Variants in SRRM4 observed in about 807,000 individuals in gnomAD.
SRRM4 encodes serine/arginine repetitive matrix protein 4.
In SRRM4, 33 loss-of-function variants were observed where a neutral mutation model predicts 68.9. That is an observed-to-expected ratio of 0.48 (90% CI 0.36 to 0.64). The LOEUF (loss-of-function observed/expected upper bound fraction) is 0.64. Among genes scored for constraint, SRRM4 ranks in the 30% least tolerant of loss-of-function variants. The probability of loss-of-function intolerance (pLI) is 0.00; values close to 1 mark genes in which losing one functional copy is unlikely to be tolerated. For synonymous variants in SRRM4, 318 were observed against 318.8 expected (o/e 1.00, Z 0.03); for missense variants, 817 against 827.1 (o/e 0.99, Z 0.15).
At chr12:118,992,511 T>G (rs955227582) in intron 1 of SRRM4, among the ~76,000 whole-genome samples, 1 of 152,224 alleles carries the variant, frequency 6.6e-6, no homozygotes, top group Non-Finnish European at 1.5e-5. Context: ...GCCAGTGTTT[T>G]GCCCCAGCCT....
rs559239640 is a variant in SRRM4, at chr12:119,073,310, C to A, written c.132-28926C>A. 5.9e-4 allele frequency among the ~76,000 whole-genome samples: 25 copies of A among 42,682 alleles called. 1 individual carries two copies. The highest frequency in any genetic ancestry group is 2.2e-3 in the African/African-American group (24 of 11,040). The allele number at this position is 42,682 out of a possible 152,430, so 28.0% of individuals were successfully genotyped here. ...GAGTCTCTATTTCTCTCTCTCTCTC[C>A]TCTTTTTTTTTTTTGTTTGTTTGTT... On this transcript the variant is annotated intron_variant, in intron 1 of 12. Coordinates refer to ENST00000267260, the MANE Select transcript of SRRM4 (RefSeq NM_194286.4).
At chr12:119,082,202 G>T (rs1042775259) in intron 1 of SRRM4, among the ~76,000 whole-genome samples, 7 of 152,090 alleles carry the variant, frequency 4.6e-5, no homozygotes, top group South Asian at 2.1e-4. Context: ...GGGCTCAGCC[G>T]CTCCTTTGAA....
At chr12:119,155,196 A>G (rs1323069916) in intron 12 of SRRM4, among the ~76,000 whole-genome samples, 1 of 152,262 alleles carries the variant, frequency 6.6e-6, no homozygotes, top group Admixed American at 6.5e-5. Context: ...GTAAGGCCTC[A>G]GAAGAGAAAA....
chr12:118,999,824 C>G (rs184003081), intron 1 of SRRM4, among the ~76,000 whole-genome samples: 4 of 152,296 alleles, frequency 2.6e-5, no homozygotes. Flanking sequence ...TGTCAATCAA[C>G]TAATTAACTT....
intron 1 of SRRM4, among the ~76,000 whole-genome samples, chr12:119,083,751 C>G (rs1953963491): frequency 6.6e-6 from 1 of 152,186 alleles, no homozygotes; most frequent in Non-Finnish European, 1.5e-5. Flanking sequence ...CTATTGTCCT[C>G]AGAGCTGAGC....
intron 2 of SRRM4, among the ~76,000 whole-genome samples, chr12:119,110,788 C>G (rs7133625): frequency 1.3e-3 from 199 of 152,296 alleles, no homozygotes; most frequent in African/African-American, 4.4e-3. Context: ...TGAGGCGATG[C>G]CCCGCCCTGC....
intron 8 of SRRM4, among the ~76,000 whole-genome samples, chr12:119,140,036 A>G (rs901253595): frequency 6.6e-6 from 1 of 152,222 alleles, no homozygotes; most frequent in Non-Finnish European, 1.5e-5. Flanking sequence ...TGTTAGAAAC[A>G]TTCCAATTAC....
In SRRM4 at chr12:119,030,716, G is replaced by C. The variant is rs1480274858; in HGVS notation, c.131+48703G>C. 4.6e-5 allele frequency among the ~76,000 whole-genome samples: 7 copies of C among 151,968 alleles called. No individual in the cohort carries two copies. The East Asian group carries it at 1.3e-3, about 29-fold the overall frequency. On this transcript the variant is annotated intron_variant, in intron 1 of 12. Coordinates refer to ENST00000267260, the MANE Select transcript of SRRM4 (RefSeq NM_194286.4). Reference sequence around the variant, plus strand: ...TTAACAATATATCATGAAATTTTATGATGTTCCCCCATATTGTATTTTTCA... The same window carrying C: ...TTAACAATATATCATGAAATTTTATCATGTTCCCCCATATTGTATTTTTCA...
At chr12:119,014,810 A>G (rs1304532581) in intron 1 of SRRM4, among the ~76,000 whole-genome samples, 1 of 152,114 alleles carries the variant, frequency 6.6e-6, no homozygotes, top group Non-Finnish European at 1.5e-5. Context: ...AACCATGGGA[A>G]TATCTTATGA....
chr12:119,137,745 A>T (rs1020986034), intron 8 of SRRM4, among the ~76,000 whole-genome samples: 24 of 152,302 alleles, frequency 1.6e-4, no homozygotes, highest in Non-Finnish European at 2.8e-4. Flanking sequence ...TAAAATTTTT[A>T]AAATTAAATT....
intron 1 of SRRM4, among the ~76,000 whole-genome samples, chr12:119,072,492 A>C (rs1283527375): frequency 1.3e-5 from 2 of 152,068 alleles, no homozygotes; most frequent in African/African-American, 2.4e-5. Context: ...TGGGGAAGGG[A>C]GGGTGAAGCT....
At chr12:119,052,462 A>C (rs1379285495) in intron 1 of SRRM4, among the ~76,000 whole-genome samples, 1 of 152,174 alleles carries the variant, frequency 6.6e-6, no homozygotes, top group African/African-American at 2.4e-5. Context: ...CCAACCAAGT[A>C]CTGGCATAGA....
Position 119,052,622 on chromosome 12 carries a change from G to A in SRRM4, c.132-49614G>A, listed in dbSNP as rs186766148. On this transcript the variant is annotated intron_variant, in intron 1 of 12. Transcript: ENST00000267260. ...CGGCTCACCGCAAGCTCCGCCTCCC[G>A]GGTTCACACCATTCTCCTGCCTCAG... Among the ~76,000 whole-genome samples, 696 of 152,158 alleles carry A rather than the reference G, an allele frequency of 4.6e-3. 5 individuals carry two copies. Among genetic ancestry groups the A allele is most frequent in the African/African-American group, 0.016 (667 of 41,508 alleles).
At chr12:119,141,376 A>G (rs1422953815) in intron 8 of SRRM4, among the ~76,000 whole-genome samples, 1 of 152,254 alleles carries the variant, frequency 6.6e-6, no homozygotes, top group Non-Finnish European at 1.5e-5. Context: ...ATATATTCCA[A>G]AAATATGTAC....
chr12:119,103,153 G>A (rs1439792163), intron 2 of SRRM4, among the ~76,000 whole-genome samples: 1 of 152,084 alleles, frequency 6.6e-6, no homozygotes, highest in Non-Finnish European at 1.5e-5. Flanking sequence ...CCCATCTTTG[G>A]CCTCTGGGAA....
intron 8 of SRRM4, 45 bp downstream of exon 8, chr12:119,130,879 C>T: frequency 6.3e-7 from 1 of 1,577,366 alleles, no homozygotes; most frequent in Non-Finnish European, 8.6e-7. Flanking sequence ...GGCCACGACA[C>T]TTGGGGAATG....
At chr12:119,020,984 G>T (rs916840427) in intron 1 of SRRM4, among the ~76,000 whole-genome samples, 3 of 152,172 alleles carry the variant, frequency 2.0e-5, no homozygotes, top group Non-Finnish European at 2.9e-5. Context: ...GAGACGGTGG[G>T]GGGAGGCGCT....
chr12:119,002,152 C>T (rs901289687), intron 1 of SRRM4, among the ~76,000 whole-genome samples: 7 of 151,822 alleles, frequency 4.6e-5, no homozygotes, highest in South Asian at 2.1e-4. Flanking sequence ...TGACGATAGA[C>T]GAAGTGCTTA....
chr12:118,986,992 C>T (rs1372084259), intron 1 of SRRM4, among the ~76,000 whole-genome samples: 1 of 152,080 alleles, frequency 6.6e-6, no homozygotes, highest in Non-Finnish European at 1.5e-5. Context: ...CTTAGCAAAA[C>T]TAGAGCTCTT....
Sources: gnomAD v4.1 joint callset for allele counts (sites outside exome capture counted in the v4.1 genomes callset) on GRCh38, gnomAD v4.1.1 for gene constraint, MANE v1.5 for transcripts, NCBI Gene and HGNC (gene_info 2026-07-23, HGNC 2026-07-21) for gene names.